The following ZER1 variants were observed in gnomAD, a reference collection of about 807,000 sequenced individuals.
ZER1 encodes the protein protein zer-1 homolog.
In ZER1, 11 loss-of-function variants were observed where a neutral mutation model predicts 78.8. That is an observed-to-expected ratio of 0.14 (90% CI 0.09 to 0.23). The LOEUF is 0.23. Among genes scored for constraint, ZER1 ranks in the 10% least tolerant of loss-of-function variants. The pLI is 1.00. For synonymous variants in ZER1, 400 were observed against 407.0 expected, an observed-to-expected ratio of 0.98 and a Z score of 0.21; for missense variants, 588 against 996.9, an observed-to-expected ratio of 0.59 and a Z score of 5.52.
chr9:128,748,881 A>G (rs965728342), intron 8 of ZER1, among the ~76,000 whole-genome samples: 1 of 138,444 alleles, frequency 7.2e-6, no homozygotes, highest in Non-Finnish European at 1.5e-5. Flanking sequence ...TAATTTTTGT[A>G]TTTTTTAGTA....
At chr9:128,747,147 C>T (rs1169804377) in intron 8 of ZER1, among the ~76,000 whole-genome samples, 1 of 150,762 alleles carries the variant, frequency 6.6e-6, no homozygotes, top group Admixed American at 6.6e-5. Flanking sequence ...TGTAGTGAGC[C>T]GAGATCACAC....
intron 8 of ZER1, among the ~76,000 whole-genome samples, chr9:128,748,737 A>G (rs1408736901): frequency 6.7e-6 from 1 of 150,160 alleles, no homozygotes; most frequent in African/African-American, 2.4e-5. Flanking sequence ...ATGCCCAGCT[A>G]ATTTGTGTAT....
intron 1 of ZER1, among the ~76,000 whole-genome samples, chr9:128,759,020 C>T (rs1863954652): frequency 6.7e-6 from 1 of 148,658 alleles, no homozygotes; most frequent in Admixed American, 6.7e-5. Context: ...TTTTTTTAGA[C>T]TGAGTCTTGC....
chr9:128,742,928 G>A (rs1863353272), intron 8 of ZER1, among the ~76,000 whole-genome samples, 183 bp from the exon 9 acceptor site: 1 of 152,156 alleles, frequency 6.6e-6, no homozygotes, highest in Admixed American at 6.5e-5. Context: ...TATTCATACA[G>A]AAGAATGCAT....
At chr9:128,766,570 G>A (rs148905426) in intron 1 of ZER1, among the ~76,000 whole-genome samples, 25 of 152,084 alleles carry the variant, frequency 1.6e-4, no homozygotes, top group African/African-American at 6.0e-4. Flanking sequence ...GTCAGGCTGG[G>A]CACAGTGGCC....
rs182556698 is a variant in ZER1, at chr9:128,768,735, C to T, written c.-95+2846G>A. On this transcript the variant is annotated intron_variant, in intron 1 of 15. Transcript: ENST00000291900. ...ATAAGGAGGGAGATCAACTGTGGTT[C>T]TGCTTCCTATAAAGCAGGCTGGAAA... is the stretch of plus-strand genomic sequence containing the variant. Among the ~76,000 whole-genome samples, 10 of 152,230 alleles carry T rather than the reference C, an allele frequency of 6.6e-5. No individual in the cohort carries two copies. The East Asian group carries it at 1.9e-3, about 29-fold the overall frequency.
chr9:128,763,118 C>T (rs1171491642), intron 1 of ZER1, among the ~76,000 whole-genome samples: 1 of 152,190 alleles, frequency 6.6e-6, no homozygotes, highest in Non-Finnish European at 1.5e-5. Context: ...CCAAATTCAA[C>T]TAATTACTGC....
At position 128,755,977 on chromosome 9, in the gene ZER1, C is replaced by T. The variant is rs1863844813; in HGVS notation, c.-94-318G>A. On this transcript the variant is annotated intron_variant, in intron 1 of 15. Transcript: ENST00000291900. This position sits in a 1 kb window ranked among gnomAD's most constrained non-coding sequence, Gnocchi z 5.6. ...CAGCTTCCCACAGTCTGAAGAGCTA[C>T]ACTGGGGTGTTCCATGCTGTGCAGT... Among the ~76,000 whole-genome samples the T allele has an allele frequency of 6.6e-6, 1 of 152,208 alleles. No homozygotes were observed. The highest frequency in any genetic ancestry group is 6.5e-5 in the Admixed American group (1 of 15,284).
chr9:128,756,209 A>G (rs1286497153), intron 1 of ZER1, among the ~76,000 whole-genome samples: 1 of 152,220 alleles, frequency 6.6e-6, no homozygotes, highest in African/African-American at 2.4e-5. Flanking sequence ...GAACTTTGAG[A>G]GGCCGAGGTG....
intron 13 of ZER1, among the ~76,000 whole-genome samples, chr9:128,738,193 T>C (rs1490371092): frequency 6.8e-6 from 1 of 146,778 alleles, no homozygotes; most frequent in Non-Finnish European, 1.5e-5. Context: ...TACAGGCGCA[T>C]GCCACCACGC....
At chr9:128,745,160 G>C (rs1387415158) in intron 8 of ZER1, among the ~76,000 whole-genome samples, 6 of 146,476 alleles carry the variant, frequency 4.1e-5, no homozygotes, top group Admixed American at 1.4e-4. Flanking sequence ...AGTTTTCTTT[G>C]TACTGTCTGC....
chr9:128,742,815 C>T (rs1266256931), intron 8 of ZER1, 70 bp from the exon 9 acceptor site: 3 of 1,467,848 alleles, frequency 2.0e-6, no homozygotes, highest in African/African-American at 1.4e-5. Flanking sequence ...TAGGAACTAT[C>T]TAGAGGTATG....
chr9:128,762,085 T>C (rs1864069321), intron 1 of ZER1, among the ~76,000 whole-genome samples: 1 of 152,066 alleles, frequency 6.6e-6, no homozygotes, highest in Non-Finnish European at 1.5e-5. Context: ...TTGTAAACTT[T>C]CTTAAAACAT....
chr9:128,748,974 G>A (rs2132435766), intron 8 of ZER1, among the ~76,000 whole-genome samples: 2 of 150,372 alleles, frequency 1.3e-5, no homozygotes, highest in South Asian at 2.1e-4. Context: ...CCAAAGTGCT[G>A]GGATTACAGG....
chr9:128,742,615 C>T lies in ZER1; in HGVS notation c.1490G>A (p.Arg497Gln). Residue 497 changes from arginine to glutamine, a missense_variant, in exon 9 of 16, where the codon CGG (arginine) becomes CAG (glutamine). Arg to Gln is a conservative substitution (Grantham distance 43). Coordinates refer to ENST00000291900, the MANE Select transcript of ZER1 (RefSeq NM_006336.4). ...GGCATTGCACAGGTGCACGGCGATC[C>T]GCTGGATAGACTCGTCCTGCCGCGT... ...NPTRQDESIQ[R>Q]IAVHLCNALV... is the part of the protein sequence containing the mutation. 1 of 1,614,212 alleles carries T rather than the reference C, an allele frequency of 6.2e-7. No individual in the cohort carries two copies. The highest frequency in any genetic ancestry group is 8.5e-7 in the Non-Finnish European group (1 of 1,180,044).
rs975548104 is a variant in ZER1 at position 128,755,195 on chromosome 9, C to T, written c.158+213G>A. Among the ~76,000 whole-genome samples, 1 of 152,096 alleles carries T rather than the reference C, an allele frequency of 6.6e-6. No individual in the cohort carries two copies. The highest frequency in any genetic ancestry group is 1.9e-4 in the East Asian group (1 of 5,200). On this transcript the variant is annotated intron_variant, in intron 2 of 15. Coordinates refer to ENST00000291900, the MANE Select transcript of ZER1 (RefSeq NM_006336.4). This position sits in a 1 kb window ranked among gnomAD's most constrained non-coding sequence, Gnocchi z 5.6. The stretch of plus-strand genomic sequence containing the variant: ...CACCCATGCCTTCACGTGCACACCC[C>T]TCCACACACACACCAACACACACAC...
At chr9:128,731,519 T>C (rs1437733470) in intron 15 of ZER1, 125 bp from the exon 16 acceptor site, 2 of 766,650 alleles carry the variant, frequency 2.6e-6, no homozygotes, top group Non-Finnish European at 4.3e-6. Context: ...GACCGAATGA[T>C]GTGGACAGAG....
Position 128,748,490 on chromosome 9 carries a change from G to A in ZER1, c.1359+2126C>T, listed in dbSNP as rs542506764. On this transcript the variant is annotated intron_variant, in intron 8 of 15. Transcript: ENST00000291900. ...GGAGGCTGAGTTGGGAGGCTTGCTT[G>A]AGCCTGAGAGGTGGAGGCCACAGTG... Among the ~76,000 whole-genome samples, 34 of 151,834 alleles carry A rather than the reference G, an allele frequency of 2.2e-4. No homozygotes were observed. In the South Asian group the frequency reaches 6.9e-3, roughly 31 times the overall value.
chr9:128,735,341 A>G lies in ZER1; in HGVS notation c.2133T>C (p.Ser711=), dbSNP rs748448162. The G allele has an allele frequency of 8.7e-6, 14 of 1,613,122 alleles. No individual in the cohort carries two copies. Among genetic ancestry groups the G allele is most frequent in the Middle Eastern group, 3.4e-4 (2 of 5,964 alleles). ...GGACAAGTTGGCACTCACGGTAGAC[A>G]GACACGAGGTTATACAGGGCCCAGG... ...WATWALYNLV[S]VYPDKYCPLL... is the part of the protein sequence containing the mutation. The change falls in exon 14 of 16, where the codon TCT becomes TCC. Residue 711 remains serine, a synonymous_variant. Transcript: ENST00000291900.
Sources: gnomAD v4.1 joint callset for allele counts (sites outside exome capture counted in the v4.1 genomes callset) on GRCh38, gnomAD v4.1.1 for gene constraint, Gnocchi (gnomAD v3.1) non-coding constraint, MANE v1.5 for transcripts, NCBI Gene and HGNC (gene_info 2026-07-23, HGNC 2026-07-21) for gene names.